Variants in DOCK4 observed in about 807,000 individuals in gnomAD.
DOCK4 encodes the protein dedicator of cytokinesis 4.
Under a neutral mutation model 268.1 loss-of-function variants are expected in DOCK4, and 97 were observed. That is an observed-to-expected ratio of 0.36 (90% confidence interval 0.31 to 0.43). DOCK4 has a LOEUF of 0.43. Among genes scored for constraint, DOCK4 ranks in the 20% least tolerant of loss-of-function variants. The pLI, the probability that DOCK4 is intolerant of heterozygous loss-of-function variation, is 1.00. For missense variants in DOCK4, 2,145 were observed against 2,455.7 expected, an observed-to-expected ratio of 0.87 and a Z score of 2.67; for synonymous variants, 954 against 887.2, an observed-to-expected ratio of 1.08 and a Z score of -1.34.
intron 27 of DOCK4, among the ~76,000 whole-genome samples, chr7:111,813,390 T>C (rs1375427965): frequency 1.3e-5 from 2 of 152,222 alleles, no homozygotes; most frequent in African/African-American, 4.8e-5. Context: ...ATTATTGTTA[T>C]CTGCTGGGAA....
At chr7:111,984,584 G>T (rs1798904024) in intron 6 of DOCK4, among the ~76,000 whole-genome samples, 194 bp from the exon 7 acceptor site, 1 of 152,188 alleles carries the variant, frequency 6.6e-6, no homozygotes, top group Non-Finnish European at 1.5e-5. Flanking sequence ...TTAAAACATA[G>T]AAGGTGAGAA....
intron 43 of DOCK4, 123 bp downstream of exon 43, chr7:111,747,144 C>G (rs2133480836): frequency 3.7e-6 from 3 of 816,698 alleles, no homozygotes; most frequent in South Asian, 4.5e-5. Flanking sequence ...ACAAAGGACT[C>G]TGTGTCAATC....
intron 26 of DOCK4, among the ~76,000 whole-genome samples, chr7:111,828,310 CAG>C (rs1165240683): frequency 1.8e-4 from 28 of 152,146 alleles, no homozygotes; most frequent in African/African-American, 6.5e-4. Flanking sequence ...CCTAAGGACA[CAG>C]GGGAAGAAGT....
Position 112,115,652 on chromosome 7 carries a change from C to CCATCCATCCAT in DOCK4, c.37+90449_37+90450insATGGATGGATG, listed in dbSNP as rs58821451. Among the ~76,000 whole-genome samples the CCATCCATCCAT allele has an allele frequency of 3.2e-3, 477 of 150,036 alleles. 2 individuals carry two copies. The highest frequency in any genetic ancestry group is 0.014 in the East Asian group (69 of 5,088). The stretch of plus-strand genomic sequence containing the variant: ...ACCCATTCATCCATCCATCCATCCA[C>CCATCCATCCAT]CCATCCATCCATCCATCCATCATCT... On this transcript the variant is annotated intron_variant, in intron 1 of 52. Transcript: ENST00000428084.
intron 1 of DOCK4, among the ~76,000 whole-genome samples, chr7:112,101,687 T>C (rs1171514995): frequency 2.0e-5 from 3 of 152,316 alleles, no homozygotes; most frequent in Admixed American, 2.0e-4. Flanking sequence ...CATAGACTCA[T>C]TTTTCCTTTT....
At chr7:112,081,286 A>G (rs570392830) in intron 1 of DOCK4, among the ~76,000 whole-genome samples, 1 of 152,260 alleles carries the variant, frequency 6.6e-6, no homozygotes, top group South Asian at 2.1e-4. Context: ...CATGACAGCT[A>G]CTTCTCAGGG....
intron 1 of DOCK4, among the ~76,000 whole-genome samples, chr7:112,147,987 T>G (rs1815682098): frequency 1.3e-5 from 2 of 151,832 alleles, no homozygotes; most frequent in Admixed American, 1.3e-4. Flanking sequence ...CAAGCACACA[T>G]GCTCTCTCCC....
rs751169198 is a variant in DOCK4 at position 112,168,858 on chromosome 7, G to A, written c.37+37244C>T. ...TCAGGCACATCTGTTGTCCCAGTTTGGATCAGAAGTCCATGAAAAATTACA... is the reference window on the plus strand; with the variant it reads ...TCAGGCACATCTGTTGTCCCAGTTTAGATCAGAAGTCCATGAAAAATTACA... On this transcript the variant is annotated intron_variant, in intron 1 of 52. Coordinates refer to ENST00000428084, the MANE Select transcript of DOCK4 (RefSeq NM_001363540.2). Among the ~76,000 whole-genome samples, 35 of 152,284 alleles carry A rather than the reference G, an allele frequency of 2.3e-4. No homozygotes were observed. The Middle Eastern group carries it at 0.02, about 89-fold the overall frequency.
intron 23 of DOCK4, among the ~76,000 whole-genome samples, chr7:111,861,263 A>G (rs1453697154): frequency 2.0e-5 from 3 of 152,180 alleles, no homozygotes; most frequent in Admixed American, 2.0e-4. Flanking sequence ...TTATTGGGAG[A>G]AATCGGAAGG....
chr7:111,773,036 A>G (rs1798222119), intron 36 of DOCK4, among the ~76,000 whole-genome samples: 1 of 152,214 alleles, frequency 6.6e-6, no homozygotes, highest in Non-Finnish European at 1.5e-5. Context: ...CTGTTTCAGA[A>G]TTTGATTTGG....
At chr7:111,886,570 A>AAGGATAAAAGG (rs1807862010) in intron 16 of DOCK4, among the ~76,000 whole-genome samples, 1 of 152,164 alleles carries the variant, frequency 6.6e-6, no homozygotes, top group Non-Finnish European at 1.5e-5. Context: ...ATTTGACCTC[A>AAGGATAAAAGG]GTTGTAAAGG....
rs756435748 is a variant in DOCK4, at chr7:111,755,568, C to A, written c.4363G>T (p.Val1455Leu). The A allele has an allele frequency of 1.2e-6, 2 of 1,613,910 alleles. No individual in the cohort carries two copies. Among genetic ancestry groups the A allele is most frequent in the East Asian group, 4.5e-5 (2 of 44,874 alleles). Residue 1455 changes from valine to leucine, a missense_variant, in exon 42 of 53, where the codon GTG becomes TTG. This residue lies in a region of DOCK4 where 1,598 missense variants were observed against 1,986.7 expected (regional missense o/e 0.80). Coordinates refer to ENST00000428084, the MANE Select transcript of DOCK4 (RefSeq NM_001363540.2). ...CGAGAGATGCCAGGCAAACTCTGCA[C>A]CAAGTATAATGACGTTCTCTCCACC... is the stretch of plus-strand genomic sequence containing the variant. ...LWVERTSLYLVQSLPGISRWF... is the reference protein window; with the variant it reads ...LWVERTSLYLLQSLPGISRWF...
At chr7:111,872,671 T>G (rs1427484076) in intron 17 of DOCK4, 107 bp from the exon 18 acceptor site, 5 of 829,094 alleles carry the variant, frequency 6.0e-6, no homozygotes, top group African/African-American at 1.7e-5. Flanking sequence ...GGCTCCCCTC[T>G]CCTAGCCACT....
At chr7:112,067,797 C>A (rs1009321562) in intron 1 of DOCK4, among the ~76,000 whole-genome samples, 1 of 152,132 alleles carries the variant, frequency 6.6e-6, no homozygotes, top group South Asian at 2.1e-4. Flanking sequence ...CCCCAGGAAA[C>A]GTTTCAATGC....
intron 15 of DOCK4, among the ~76,000 whole-genome samples, chr7:111,899,287 T>C (rs1466128932): frequency 2.0e-5 from 3 of 152,206 alleles, no homozygotes; most frequent in Admixed American, 6.5e-5. Context: ...CACAAATCTT[T>C]TGGCAAAGCC....
intron 30 of DOCK4, among the ~76,000 whole-genome samples, chr7:111,800,099 T>C (rs916847308): frequency 2.0e-5 from 3 of 152,144 alleles, no homozygotes; most frequent in Admixed American, 1.3e-4. Flanking sequence ...AGTTTTACTA[T>C]CACTAAGTTT....
intron 35 of DOCK4, among the ~76,000 whole-genome samples, chr7:111,780,376 A>G (rs1186180911): frequency 1.3e-5 from 2 of 152,200 alleles, no homozygotes; most frequent in African/African-American, 2.4e-5. Flanking sequence ...ATTATAACCA[A>G]AATCATTTTA....
chr7:112,020,316 C>T (rs546896808), intron 1 of DOCK4, among the ~76,000 whole-genome samples: 2 of 152,304 alleles, frequency 1.3e-5, no homozygotes. Context: ...TATAAAGCTA[C>T]TCACTGTGCA....
chr7:111,768,301 G>A (rs1018515448), intron 37 of DOCK4, among the ~76,000 whole-genome samples: 3 of 152,130 alleles, frequency 2.0e-5, no homozygotes, highest in Non-Finnish European at 4.4e-5. Flanking sequence ...TATCCCACAG[G>A]TGGAAACTTT....
Sources: allele counts gnomAD v4.1 joint callset (sites outside exome capture counted in the v4.1 genomes callset), GRCh38; gene constraint gnomAD v4.1.1; regional missense constraint gnomAD v4.1.1; transcripts MANE v1.5; gene names NCBI Gene and HGNC (gene_info 2026-07-23, HGNC 2026-07-21).